CEP83: variants seen among roughly 807,000 people sequenced by gnomAD.
CEP83 encodes centrosomal protein of 83 kDa.
CEP83 carries 70 observed loss-of-function variants against 101.9 expected under a neutral mutation model. That is an observed-to-expected ratio of 0.69 (90% confidence interval 0.57 to 0.84). The LOEUF is 0.84. CEP83 is among the 40% of genes least tolerant of loss of function. The probability of loss-of-function intolerance (pLI) is 0.00; values close to 1 mark genes in which losing one functional copy is unlikely to be tolerated. For synonymous variants in CEP83, 264 were observed against 267.9 expected (o/e 0.99, Z 0.14); for missense variants, 715 against 787.2 (o/e 0.91, Z 1.10).
At chr12:94,331,418 G>A (rs904071806) in intron 14 of CEP83, among the ~76,000 whole-genome samples, 2 of 123,760 alleles carry the variant, frequency 1.6e-5, no homozygotes, top group African/African-American at 6.3e-5. Context: ...CCAGGCTGGA[G>A]TGCAGTGGCA....
At chr12:94,297,091 G>C in the CEP83 span, 1 of 1,162,616 alleles carries the variant, frequency 8.6e-7, no homozygotes, top group South Asian at 1.3e-5. Flanking sequence ...AGTAACTTCA[G>C]TATACAGCAC....
intron 11 of CEP83, among the ~76,000 whole-genome samples, chr12:94,341,938 TA>T (rs1449124803): frequency 6.6e-6 from 1 of 152,168 alleles, no homozygotes; most frequent in Non-Finnish European, 1.5e-5. Flanking sequence ...TATCATAGGA[TA>T]AAACATTAGA....
Position 94,454,830 on chromosome 12 carries a change from G to A in CEP83, c.-155+4727C>T, listed in dbSNP as rs143296135. 1.2e-3 allele frequency among the ~76,000 whole-genome samples: 166 copies of A among 139,640 alleles called. 1 individual carries two copies. In the East Asian group the frequency reaches 0.025, roughly 21 times the overall value. The allele number at this position is 139,640 out of a possible 152,430, so 91.6% of individuals were successfully genotyped here. A position where few individuals can be genotyped will look rare whatever the true frequency, so the allele number is the denominator to read the frequency against. On this transcript the variant is annotated intron_variant, in intron 1 of 16. Coordinates refer to ENST00000397809, the MANE Select transcript of CEP83 (RefSeq NM_016122.3). ...CTTTAAGAGCTGTAACACTCACTGC[G>A]AAAGTCTGCAGCTTCACTCCTGAAG...
intron 14 of CEP83, among the ~76,000 whole-genome samples, chr12:94,329,439 GT>G (rs942318762): frequency 6.6e-6 from 1 of 151,940 alleles, no homozygotes; most frequent in Non-Finnish European, 1.5e-5. Context: ...GTTTTTTCAT[GT>G]TTTATAGAGA....
rs1289474067 is a variant in CEP83, at chr12:94,459,571, C to A, written c.-169G>T. On this transcript the variant is annotated 5_prime_UTR_variant, in exon 1 of 17. Coordinates refer to ENST00000397809, the MANE Select transcript of CEP83 (RefSeq NM_016122.3). ...AGGTTACATACCAGACGCACGCACG[C>A]TCCTTGCAACCCGCACACGGAAAAC... The A allele has an allele frequency of 1.3e-5, 2 of 152,674 alleles. No homozygotes were observed. The highest frequency in any genetic ancestry group is 2.9e-5 in the Non-Finnish European group (2 of 68,280). 9.5% of individuals were successfully genotyped at this position (152,674 alleles called of 1,614,324 possible). A position where few individuals can be genotyped will look rare whatever the true frequency, so the allele number is the denominator to read the frequency against.
At chr12:94,355,664 C>T (rs943410233) in intron 11 of CEP83, among the ~76,000 whole-genome samples, 1 of 152,212 alleles carries the variant, frequency 6.6e-6, no homozygotes, top group Non-Finnish European at 1.5e-5. Context: ...AGCAATGTAA[C>T]ATGTCCATAA....
At chr12:94,274,489 G>A in the CEP83 span, among the ~76,000 whole-genome samples, 7 of 152,220 alleles carry the variant, frequency 4.6e-5, no homozygotes, top group Non-Finnish European at 2.9e-5. Context: ...GTTAGCAGAG[G>A]AGGGATGGCT....
intron 1 of CEP83, among the ~76,000 whole-genome samples, chr12:94,439,526 T>G (rs747094537): frequency 6.7e-6 from 1 of 149,594 alleles, no homozygotes; most frequent in Non-Finnish European, 1.5e-5. Flanking sequence ...GTAGCAAGAT[T>G]GAAACAGTAA....
intron 6 of CEP83, among the ~76,000 whole-genome samples, chr12:94,385,655 G>A (rs1260320844): frequency 6.6e-6 from 1 of 152,070 alleles, no homozygotes. Flanking sequence ...ACCCACCTGG[G>A]CTGCCCAGTC....
At chr12:94,426,652 T>C (rs545998825) in intron 2 of CEP83, among the ~76,000 whole-genome samples, 2 of 152,300 alleles carry the variant, frequency 1.3e-5, no homozygotes, top group South Asian at 2.1e-4. Flanking sequence ...CTGGATGCTA[T>C]GAATATTACC....
At chr12:94,304,213 G>A (rs1324720777), downstream of CEP83, 7 of 551,184 alleles carry the variant, frequency 1.3e-5, no homozygotes, top group Admixed American at 1.0e-4. Flanking sequence ...GCCAGACCCT[G>A]TACATGGCTG....
intron 2 of CEP83, among the ~76,000 whole-genome samples, chr12:94,429,007 T>C (rs907085277): frequency 3.9e-5 from 6 of 152,248 alleles, no homozygotes; most frequent in African/African-American, 1.2e-4. Flanking sequence ...TAACCAACAA[T>C]TGCTGACTGA....
chr12:94,360,976 A>G (rs991578756), intron 11 of CEP83, among the ~76,000 whole-genome samples: 2 of 152,256 alleles, frequency 1.3e-5, no homozygotes, highest in African/African-American at 4.8e-5. Flanking sequence ...CTGATTTTCA[A>G]CAAAAGCACC....
intron 14 of CEP83, among the ~76,000 whole-genome samples, chr12:94,328,951 T>C (rs1037638548): frequency 6.6e-6 from 1 of 152,204 alleles, no homozygotes; most frequent in Non-Finnish European, 1.5e-5. Flanking sequence ...CCTAAAATTA[T>C]ACATACTTAT....
rs75447325 is a variant in CEP83, at chr12:94,376,186, G to T, written c.802-169C>A. On this transcript the variant is annotated intron_variant, in intron 7 of 16. Coordinates refer to ENST00000397809, the MANE Select transcript of CEP83 (RefSeq NM_016122.3). The stretch of plus-strand genomic sequence containing the variant: ...TCAAACTAATTGGCAGAATTCAAAC[G>T]AAAGATAGTGTTCCAGGAAATATGC... Among the ~76,000 whole-genome samples the T allele has an allele frequency of 3.9e-3, 588 of 152,062 alleles. 2 individuals carry two copies. The highest frequency in any genetic ancestry group is 7.3e-3 in the Non-Finnish European group (493 of 67,968).
downstream of CEP83, among the ~76,000 whole-genome samples, chr12:94,304,779 C>T (rs1968831323): frequency 6.6e-6 from 1 of 152,176 alleles, no homozygotes; most frequent in African/African-American, 2.4e-5. Flanking sequence ...AGGGACTACA[C>T]TGCCCAGATG....
intron 2 of CEP83, among the ~76,000 whole-genome samples, chr12:94,414,673 A>G (rs565574344): frequency 6.6e-5 from 10 of 152,362 alleles, no homozygotes; most frequent in African/African-American, 2.2e-4. Context: ...AGCAATCCAA[A>G]TAAGTTAAAA....
rs1464103660 is a variant in CEP83, at chr12:94,403,225, T to C, written c.362A>G (p.Gln121Arg). 1.9e-6 allele frequency: 3 copies of C among 1,584,488 alleles called. No individual in the cohort carries two copies. The highest frequency in any genetic ancestry group is 2.6e-6 in the Non-Finnish European group (3 of 1,154,116). Residue 121 changes from glutamine (Q) to arginine (R), a missense_variant, in exon 5 of 17, where the codon CAA becomes CGA. By Grantham distance (43) the Gln-to-Arg change is conservative (BLOSUM62 1). Coordinates refer to ENST00000397809, the MANE Select transcript of CEP83 (RefSeq NM_016122.3). Reference protein sequence around the residue: ...TPQKLELLRAQIQQELETPMR... With the variant: ...TPQKLELLRARIQQELETPMR... ...TGGAGTTTCTAATTCTTGTTGTATT[T>C]GGGCTCTTAGCAATTCCAATTTTTG...
At chr12:94,343,377 T>A (rs886516216) in intron 11 of CEP83, among the ~76,000 whole-genome samples, 5 of 150,902 alleles carry the variant, frequency 3.3e-5, no homozygotes, top group African/African-American at 1.2e-4. Context: ...CTACCCTTGA[T>A]AGATTAGGTT....
Sources: allele counts gnomAD v4.1 joint callset (sites outside exome capture counted in the v4.1 genomes callset), GRCh38; gene constraint gnomAD v4.1.1; transcripts MANE v1.5; gene names NCBI Gene and HGNC (gene_info 2026-07-23, HGNC 2026-07-21).